Variants in EXOC4 observed in about 807,000 individuals in gnomAD.
The protein encoded by EXOC4 is exocyst complex component 4, also known as SEC8-like 1.
EXOC4 carries 71 observed loss-of-function variants against 107.2 expected under a neutral mutation model. That is an observed-to-expected ratio of 0.66 (90% CI 0.55 to 0.81). The LOEUF (loss-of-function observed/expected upper bound fraction) is 0.81, where lower values mean the gene tolerates loss of function less well. Among genes scored for constraint, EXOC4 ranks in the 30% least tolerant of loss-of-function variants. EXOC4 has a pLI of 0.00. For synonymous variants in EXOC4, 456 were observed against 441.2 expected (o/e 1.03, Z -0.42); for missense variants, 1,108 against 1,189.6 (o/e 0.93, Z 1.01).
chr7:133,475,180 G>C, intron 7 of EXOC4, 148 bp from the exon 8 acceptor site: 1 of 648,146 alleles, frequency 1.5e-6, no homozygotes, highest in Non-Finnish European at 2.5e-6. Context: ...TCTTTTCTTA[G>C]ATCCCCAACT....
chr7:133,472,473 CAACA>C (rs1798902779), intron 7 of EXOC4, among the ~76,000 whole-genome samples: 1 of 152,072 alleles, frequency 6.6e-6, no homozygotes, highest in South Asian at 2.1e-4. Flanking sequence ...AAGAAACTAC[CAACA>C]AACAAAAAGG....
intron 11 of EXOC4, among the ~76,000 whole-genome samples, chr7:133,830,645 G>A (rs1797789732): frequency 1.3e-5 from 2 of 152,142 alleles, no homozygotes; most frequent in South Asian, 2.1e-4. Flanking sequence ...AGAAGTTATA[G>A]ATTTATCAAA....
At chr7:133,705,016 G>T (rs1794739276) in intron 10 of EXOC4, among the ~76,000 whole-genome samples, 1 of 152,148 alleles carries the variant, frequency 6.6e-6, no homozygotes, top group African/African-American at 2.4e-5. Context: ...CGTAAGTTAA[G>T]AACTTTTACC....
intron 6 of EXOC4, among the ~76,000 whole-genome samples, chr7:133,363,198 A>G (rs1369585576): frequency 2.0e-5 from 3 of 152,244 alleles, no homozygotes; most frequent in Non-Finnish European, 4.4e-5. Context: ...AATAGGATGA[A>G]CCAGGGACAT....
rs532515805 is a variant in EXOC4, at chr7:133,701,732, T to A, written c.1514+71591T>A. On this transcript the variant is annotated intron_variant, in intron 10 of 17. Coordinates refer to ENST00000253861, the MANE Select transcript of EXOC4 (RefSeq NM_021807.4). ...TTTTTCAGATTTTGGAATATTTGCA[T>A]GTATATAAAATGAGATATCTTAAGG... 1.6e-4 allele frequency among the ~76,000 whole-genome samples: 24 copies of A among 152,266 alleles called. 2 individuals are homozygous for A. The South Asian group carries it at 4.4e-3, about 28-fold the overall frequency.
At chr7:133,437,916 A>C (rs562204737) in intron 7 of EXOC4, among the ~76,000 whole-genome samples, 1 of 152,072 alleles carries the variant, frequency 6.6e-6, no homozygotes, top group South Asian at 2.1e-4. Context: ...TTAATTCCAA[A>C]CCCCACTCCA....
chr7:133,945,025 C>T (rs763362232), intron 14 of EXOC4, among the ~76,000 whole-genome samples: 2 of 152,132 alleles, frequency 1.3e-5, no homozygotes, highest in African/African-American at 2.4e-5. Flanking sequence ...GAACTCGCTT[C>T]CTGAGATAAG....
intron 14 of EXOC4, among the ~76,000 whole-genome samples, chr7:133,959,788 G>A (rs1440357903): frequency 6.6e-6 from 1 of 151,922 alleles, no homozygotes; most frequent in African/African-American, 2.4e-5. Context: ...GGCAGAGGAA[G>A]TTAGGTGACA....
At position 133,974,996 on chromosome 7, in the gene EXOC4, A is replaced by C. The variant is rs73440901; in HGVS notation, c.2207-22496A>C. Among the ~76,000 whole-genome samples the C allele has an allele frequency of 3.3e-3, 497 of 149,668 alleles. 5 individuals are homozygous for C. The highest frequency in any genetic ancestry group is 0.012 in the African/African-American group (477 of 40,440). On this transcript the variant is annotated intron_variant, in intron 14 of 17. Coordinates refer to ENST00000253861, the MANE Select transcript of EXOC4 (RefSeq NM_021807.4). ...GATGGACCATTTGCAGCAACTAAGT[A>C]AATTCAAGCGCTGTATAAATTCCTA...
intron 9 of EXOC4, among the ~76,000 whole-genome samples, chr7:133,590,219 C>T (rs971155107): frequency 3.9e-5 from 6 of 152,162 alleles, no homozygotes; most frequent in Non-Finnish European, 8.8e-5. Flanking sequence ...CTTTCTCTGC[C>T]TCCTGTGTCT....
chr7:133,491,710 G>C (rs940707688), intron 9 of EXOC4, among the ~76,000 whole-genome samples: 1 of 152,182 alleles, frequency 6.6e-6, no homozygotes, highest in African/African-American at 2.4e-5. Context: ...CATGCAAACA[G>C]TCACAGTTTC....
chr7:133,855,037 A>ATG (rs1798319081), intron 11 of EXOC4, among the ~76,000 whole-genome samples: 1 of 88,976 alleles, frequency 1.1e-5, no homozygotes, highest in African/African-American at 3.9e-5. Flanking sequence ...ATATATCTAA[A>ATG]TATATATATA....
chr7:133,975,691 TAAC>T (rs1467599716), intron 14 of EXOC4, among the ~76,000 whole-genome samples: 2 of 152,090 alleles, frequency 1.3e-5, no homozygotes, highest in Non-Finnish European at 2.9e-5. Flanking sequence ...TAAGTAATTT[TAAC>T]AAAAAATAAT....
intron 17 of EXOC4, among the ~76,000 whole-genome samples, chr7:134,053,199 C>G (rs1196166539): frequency 6.6e-6 from 1 of 151,108 alleles, no homozygotes; most frequent in Non-Finnish European, 1.5e-5. Flanking sequence ...GATTGCACCA[C>G]TGCACTCCAG....
intron 14 of EXOC4, among the ~76,000 whole-genome samples, chr7:133,979,501 G>A (rs1033760602): frequency 5.9e-5 from 9 of 152,060 alleles, no homozygotes; most frequent in African/African-American, 1.7e-4. Context: ...TAACCCCTAA[G>A]TTGCGGCTGG....
chr7:133,612,999 T>A (rs1271430132), intron 9 of EXOC4, among the ~76,000 whole-genome samples: 3 of 151,954 alleles, frequency 2.0e-5, no homozygotes, highest in African/African-American at 7.3e-5. Flanking sequence ...GTGTGGATTT[T>A]AAAAAATAAA....
chr7:133,900,797 A>G (rs1316745473), intron 12 of EXOC4, among the ~76,000 whole-genome samples: 4 of 152,236 alleles, frequency 2.6e-5, no homozygotes, highest in Non-Finnish European at 5.9e-5. Flanking sequence ...AATTAGTATT[A>G]TCTTTTCTAT....
At chr7:134,049,198 C>T (rs914605184) in intron 17 of EXOC4, among the ~76,000 whole-genome samples, 1 of 152,176 alleles carries the variant, frequency 6.6e-6, no homozygotes, top group Admixed American at 6.5e-5. Context: ...TTTCTTTCCA[C>T]TTAAGGAGTG....
chr7:133,847,059 A>G (rs889747034), intron 11 of EXOC4, among the ~76,000 whole-genome samples: 2 of 152,210 alleles, frequency 1.3e-5, no homozygotes, highest in Admixed American at 1.3e-4. Flanking sequence ...ATGGAGTGCA[A>G]TTTGATACTT....
Sources: allele counts gnomAD v4.1 joint callset (sites outside exome capture counted in the v4.1 genomes callset), GRCh38; gene constraint gnomAD v4.1.1; transcripts MANE v1.5; gene names NCBI Gene and HGNC (gene_info 2026-07-23, HGNC 2026-07-21).